ZDHHC15: variants seen among roughly 807,000 people sequenced by gnomAD.
ZDHHC15 encodes zDHHC palmitoyltransferase 15.
Under a neutral mutation model 31.7 loss-of-function variants are expected in ZDHHC15, and 19 were observed. That is an observed-to-expected ratio of 0.60 (90% CI 0.42 to 0.88). The LOEUF (loss-of-function observed/expected upper bound fraction) is 0.88. Ranked by LOEUF, ZDHHC15 falls within the 40% of genes least tolerant of loss-of-function variation. The probability of loss-of-function intolerance (pLI) is 0.00; values close to 1 mark genes in which losing one functional copy is unlikely to be tolerated. For synonymous variants in ZDHHC15, 103 were observed against 90.0 expected, an observed-to-expected ratio of 1.14 and a Z score of -0.82; for missense variants, 209 against 251.2, an observed-to-expected ratio of 0.83 and a Z score of 1.14.
At chrX:75,507,507 C>T (rs1184350998) in intron 1 of ZDHHC15, among the ~76,000 whole-genome samples, 1 of 111,360 alleles carries the variant, frequency 9.0e-6, no homozygotes, top group African/African-American at 3.3e-5. Flanking sequence ...AAGAAAGAGG[C>T]TAGAATATTT....
chrX:75,483,213 C>T (rs1214795243), intron 2 of ZDHHC15, among the ~76,000 whole-genome samples: 1 of 109,028 alleles, frequency 9.2e-6, no homozygotes, highest in Non-Finnish European at 1.9e-5. Flanking sequence ...CCTCTCACTC[C>T]CTCTTAAATC....
At chrX:75,491,761 A>T (rs930984831) in intron 2 of ZDHHC15, among the ~76,000 whole-genome samples, 2 of 111,267 alleles carry the variant, frequency 1.8e-5, no homozygotes, top group Non-Finnish European at 3.8e-5. Flanking sequence ...TGTCACCACC[A>T]GGCCTGCCCT....
intron 4 of ZDHHC15, among the ~76,000 whole-genome samples, chrX:75,433,972 G>A (rs979612857): frequency 8.1e-5 from 9 of 110,858 alleles, no homozygotes; most frequent in African/African-American, 1.3e-4. Flanking sequence ...GTGTAAAAGC[G>A]TTCCCTTTTC....
chrX:75,516,579 A>G (rs1230152060), intron 1 of ZDHHC15, among the ~76,000 whole-genome samples: 1 of 112,373 alleles, frequency 8.9e-6, no homozygotes, highest in African/African-American at 3.2e-5. Context: ...TTATACAAAA[A>G]TTAATTCAAG....
At chrX:75,517,977 A>T (rs1334568239) in intron 1 of ZDHHC15, among the ~76,000 whole-genome samples, 3 of 106,274 alleles carry the variant, frequency 2.8e-5, no homozygotes, top group Non-Finnish European at 5.9e-5. Context: ...AAACAAAAAC[A>T]AAAAAAAACA....
intron 2 of ZDHHC15, among the ~76,000 whole-genome samples, chrX:75,496,615 A>G (rs1451028097): frequency 8.9e-6 from 1 of 112,104 alleles, no homozygotes. Flanking sequence ...GACACAAAAA[A>G]GTTTCAATAA....
chrX:75,493,822 T>C (rs957607220), intron 2 of ZDHHC15, among the ~76,000 whole-genome samples: 15 of 111,506 alleles, frequency 1.3e-4, no homozygotes, highest in Non-Finnish European at 2.3e-4. Flanking sequence ...CCACAGCCAA[T>C]ATCATACTGA....
chrX:75,445,227 T>G (rs1369045366), intron 4 of ZDHHC15, among the ~76,000 whole-genome samples: 7 of 111,719 alleles, frequency 6.3e-5, no homozygotes, highest in Admixed American at 4.8e-4. Flanking sequence ...ATTTTAGGAA[T>G]GAGTTTTTCT....
intron 10 of ZDHHC15, among the ~76,000 whole-genome samples, chrX:75,387,759 A>G (rs1209273510): frequency 8.9e-6 from 1 of 111,821 alleles, no homozygotes; most frequent in African/African-American, 3.3e-5. Flanking sequence ...AATAATAACA[A>G]AAACTTTCCA....
chrX:75,444,298 A>T (rs868381761), intron 4 of ZDHHC15, among the ~76,000 whole-genome samples: 33 of 109,281 alleles, frequency 3.0e-4, no homozygotes, highest in African/African-American at 1.0e-3. Context: ...ATAAAAAAGG[A>T]TGAGTTCATG....
At position 75,411,752 on chromosome X, in the gene ZDHHC15, T is replaced by C. The variant is rs1233049279; in HGVS notation, c.967+5335A>G. On this transcript the variant is annotated intron_variant, in intron 10 of 11. Coordinates refer to ENST00000373367, the MANE Select transcript of ZDHHC15 (RefSeq NM_144969.3). ...TTAATAATTTCAAGTAAAATAAGTA[T>C]GGTTTCCTCATAGTGATACATCCAA... 2.7e-5 allele frequency among the ~76,000 whole-genome samples: 3 copies of C among 111,603 alleles called. No homozygotes were observed. The East Asian group carries it at 8.3e-4, about 31-fold the overall frequency.
At chrX:75,520,689 T>C (rs902802069) in intron 1 of ZDHHC15, among the ~76,000 whole-genome samples, 1 of 110,934 alleles carries the variant, frequency 9.0e-6, no homozygotes, top group Non-Finnish European at 1.9e-5. Flanking sequence ...GGTCTGAGAA[T>C]AGAAAAGCTT....
At chrX:75,400,151 G>A (rs2083341192) in intron 10 of ZDHHC15, among the ~76,000 whole-genome samples, 1 of 111,312 alleles carries the variant, frequency 9.0e-6, no homozygotes. Context: ...GACAGACGTA[G>A]AATTCGGAAT....
Position 75,368,727 on chromosome X carries a change from T to G in ZDHHC15, c.*4251A>C, listed in dbSNP as rs1246113313. The G allele has an allele frequency of 9.0e-6, 1 of 111,243 alleles. No individual in the cohort carries two copies. Among genetic ancestry groups the G allele is most frequent in the East Asian group, 2.8e-4 (1 of 3,532 alleles). 9.2% of individuals were successfully genotyped at this position (111,243 alleles called of 1,213,427 possible). On this transcript the variant is annotated 3_prime_UTR_variant, in exon 12 of 12. Coordinates refer to ENST00000373367, the MANE Select transcript of ZDHHC15 (RefSeq NM_144969.3). Reference sequence around the variant, plus strand: ...ATTCCTTGAATGCATCTTATCTAATTTTTTTTTCCTTTAATGCCATTCCCT... The same window carrying G: ...ATTCCTTGAATGCATCTTATCTAATGTTTTTTTCCTTTAATGCCATTCCCT...
At chrX:75,378,082 T>A (rs913823397) in intron 11 of ZDHHC15, among the ~76,000 whole-genome samples, 9 of 111,994 alleles carry the variant, frequency 8.0e-5, no homozygotes, top group African/African-American at 1.3e-4. Flanking sequence ...TCTCCTTTTT[T>A]AATCTTTGAT....
chrX:75,455,388 A>C (rs888162125), intron 3 of ZDHHC15, among the ~76,000 whole-genome samples: 12 of 111,972 alleles, frequency 1.1e-4, no homozygotes, highest in Non-Finnish European at 1.9e-4. Flanking sequence ...TAAAGACTTA[A>C]ATGTTAGACC....
chrX:75,470,206 G>A (rs887918010), intron 3 of ZDHHC15, among the ~76,000 whole-genome samples: 1 of 111,329 alleles, frequency 9.0e-6, no homozygotes, highest in African/African-American at 3.3e-5. Context: ...GCAGGAAAAC[G>A]CGAAAAGACT....
At chrX:75,505,331 A>G (rs1377024462) in intron 2 of ZDHHC15, among the ~76,000 whole-genome samples, 1 of 111,725 alleles carries the variant, frequency 9.0e-6, no homozygotes, top group African/African-American at 3.2e-5. Flanking sequence ...TAAATGGAAA[A>G]ATGCCACAAT....
chrX:75,516,805 C>T (rs911049890), intron 1 of ZDHHC15, among the ~76,000 whole-genome samples: 1 of 111,015 alleles, frequency 9.0e-6, no homozygotes, highest in Admixed American at 9.6e-5. Flanking sequence ...AGGCAACCTA[C>T]AGAATGGGAG....
Sources: gnomAD v4.1 joint callset for allele counts (sites outside exome capture counted in the v4.1 genomes callset) on GRCh38, gnomAD v4.1.1 for gene constraint, MANE v1.5 for transcripts, NCBI Gene and HGNC (gene_info 2026-07-23, HGNC 2026-07-21) for gene names.